The following GRIK4 variants were observed in gnomAD, a reference collection of about 807,000 sequenced individuals.
GRIK4 encodes glutamate receptor ionotropic, kainate 4.
GRIK4 carries 40 observed loss-of-function variants against 104.9 expected under a neutral mutation model. That is an observed-to-expected ratio of 0.38 (90% CI 0.30 to 0.50). GRIK4 has a LOEUF of 0.50. Ranked by LOEUF, GRIK4 falls within the 20% of genes least tolerant of loss-of-function variation. GRIK4 has a pLI of 0.93. For missense variants in GRIK4, 1,047 were observed against 1,308.1 expected (o/e 0.80, Z 3.08); for synonymous variants, 485 against 524.9 (o/e 0.92, Z 1.04).
chr11:120,515,167 T>C (rs1947711049), intron 1 of GRIK4: 1 of 395,548 alleles, frequency 2.5e-6, no homozygotes, highest in Admixed American at 2.9e-5. Context: ...GTCCTCACCC[T>C]GGCCCTTTGC....
chr11:120,718,208 A>C (rs1420849221), intron 3 of GRIK4, among the ~76,000 whole-genome samples: 1 of 151,578 alleles, frequency 6.6e-6, no homozygotes, highest in Non-Finnish European at 1.5e-5. Flanking sequence ...GGAGTTCCTA[A>C]TATGTCCCCT....
intron 3 of GRIK4, among the ~76,000 whole-genome samples, chr11:120,798,157 CT>C (rs539833846): frequency 0.067 from 4,507 of 67,496 alleles, 137 homozygotes; most frequent in African/African-American, 0.2. Flanking sequence ...TCTGCTGTCT[CT>C]TTTTTTTTTT....
At chr11:120,957,591 A>ATGTGTGTGTGTGTG (rs72064502) in intron 16 of GRIK4, among the ~76,000 whole-genome samples, 3,640 of 136,480 alleles carry the variant, frequency 0.027, 73 homozygotes, top group African/African-American at 0.043. Flanking sequence ...GACAAAACAA[A>ATGTGTGTGTGTGTG]TGTGTGTGTG....
intron 3 of GRIK4, among the ~76,000 whole-genome samples, chr11:120,745,331 T>G (rs964574753): frequency 6.6e-6 from 1 of 152,160 alleles, no homozygotes; most frequent in Non-Finnish European, 1.5e-5. Context: ...ATCTATAAAT[T>G]TTTTTTTCTC....
At chr11:120,858,755 G>A (rs1025043377) in intron 8 of GRIK4, among the ~76,000 whole-genome samples, 2 of 152,126 alleles carry the variant, frequency 1.3e-5, no homozygotes, top group Non-Finnish European at 2.9e-5. Flanking sequence ...GTAAACTAAC[G>A]GTGGTCAGTT....
chr11:120,858,017 G>A (rs949862599), intron 8 of GRIK4, among the ~76,000 whole-genome samples: 7 of 151,812 alleles, frequency 4.6e-5, no homozygotes, highest in African/African-American at 1.7e-4. Flanking sequence ...CTCATTCCCT[G>A]GTTTGGGACA....
At chr11:120,731,320 G>A (rs2135391858) in intron 3 of GRIK4, among the ~76,000 whole-genome samples, 1 of 151,104 alleles carries the variant, frequency 6.6e-6, no homozygotes, top group Non-Finnish European at 1.5e-5. Flanking sequence ...AGCAACAATT[G>A]AAATGATCAT....
At chr11:120,781,149 G>A (rs1297075873) in intron 3 of GRIK4, among the ~76,000 whole-genome samples, 1 of 133,306 alleles carries the variant, frequency 7.5e-6, no homozygotes, top group Non-Finnish European at 1.6e-5. Context: ...TTTTTTTTTT[G>A]GTTTGTTTGT....
chr11:120,870,700 C>T (rs1289092528), intron 9 of GRIK4: 1 of 149,434 alleles, frequency 6.7e-6, no homozygotes, highest in Non-Finnish European at 1.5e-5. Context: ...GCCTCAGTTT[C>T]TTCATTCGTG....
chr11:120,716,560 G>T (rs1950839113), intron 3 of GRIK4, among the ~76,000 whole-genome samples: 1 of 152,300 alleles, frequency 6.6e-6, no homozygotes, highest in Middle Eastern at 3.4e-3. Context: ...TATGTGAATT[G>T]AGTGACTGCT....
At chr11:120,866,345 A>AG (rs1364526513) in intron 9 of GRIK4, among the ~76,000 whole-genome samples, 1 of 152,186 alleles carries the variant, frequency 6.6e-6, no homozygotes, top group African/African-American at 2.4e-5. Flanking sequence ...GCCCGAAAAG[A>AG]GGGAAGCCAG....
chr11:120,905,532 T>TGGGGGGGGGGTG lies in GRIK4; in HGVS notation c.1476+42_1476+43insGGGGGGGTGGGG. On this transcript the variant is annotated intron_variant, in intron 13 of 20. Coordinates refer to ENST00000527524, the MANE Select transcript of GRIK4 (RefSeq NM_014619.5). The surrounding 1 kb of genome is among the most constrained non-coding windows in gnomAD (Gnocchi z 5.1). Reference sequence around the variant, plus strand: ...AAGTGATCTGGGCCTGAGGGTGGGCTGGGAGGGATTGGAAGAGCATGAGGT... The same window carrying TGGGGGGGGGGTG: ...AAGTGATCTGGGCCTGAGGGTGGGCTGGGGGGGGGGTGGGGAGGGATTGGAAGAGCATGAGGT... 2.4e-6 allele frequency: 1 copy of TGGGGGGGGGGTG among 408,164 alleles called. No homozygotes were observed. The highest frequency in any genetic ancestry group is 4.9e-6 in the Non-Finnish European group (1 of 202,792). The allele number at this position is 408,164 out of a possible 1,614,324, so 25.3% of individuals were successfully genotyped here.
chr11:120,927,642 A>G (rs1943382694), intron 13 of GRIK4, among the ~76,000 whole-genome samples: 2 of 152,126 alleles, frequency 1.3e-5, no homozygotes, highest in Non-Finnish European at 1.5e-5. Context: ...CTAAGTTCAA[A>G]CAGAAATGTA....
At chr11:120,802,881 C>T (rs1292257547) in intron 4 of GRIK4, 24 bp downstream of exon 4, 2 of 1,607,904 alleles carry the variant, frequency 1.2e-6, no homozygotes, top group African/African-American at 1.3e-5. Context: ...GCAGGGCTGC[C>T]TCTTCCCTTG....
In GRIK4 at chr11:120,819,618, C is replaced by G. The variant is rs977728991; in HGVS notation, c.346-137C>G. ...TCCCACGGAGTGGGTGCCCTGGGAGCTCCTTCTCCCATTGGTGTCTGGCGA... is the reference window on the plus strand; with the variant it reads ...TCCCACGGAGTGGGTGCCCTGGGAGGTCCTTCTCCCATTGGTGTCTGGCGA... On this transcript the variant is annotated intron_variant, in intron 5 of 20. Coordinates refer to ENST00000527524, the MANE Select transcript of GRIK4 (RefSeq NM_014619.5). The surrounding 1 kb of genome is among the most constrained non-coding windows in gnomAD (Gnocchi z 4.3). 1.3e-6 allele frequency: 1 copy of G among 748,672 alleles called. No individual in the cohort carries two copies. The highest frequency in any genetic ancestry group is 2.3e-6 in the Non-Finnish European group (1 of 438,068). The allele number at this position is 748,672 out of a possible 1,614,324, so 46.4% of individuals were successfully genotyped here.
intron 1 of GRIK4, among the ~76,000 whole-genome samples, chr11:120,554,531 C>A (rs1398489563): frequency 6.6e-6 from 1 of 151,974 alleles, no homozygotes; most frequent in Non-Finnish European, 1.5e-5. Flanking sequence ...CTTCCAGTCT[C>A]TCTCTGTCGC....
chr11:120,904,307 T>G (rs1353584594), intron 12 of GRIK4, among the ~76,000 whole-genome samples: 1 of 152,146 alleles, frequency 6.6e-6, no homozygotes, highest in Non-Finnish European at 1.5e-5. Context: ...TTCGAGCCCA[T>G]CATGACACCA....
intron 3 of GRIK4, among the ~76,000 whole-genome samples, chr11:120,787,424 G>GTTATTTTATTTTATT (rs372142776): frequency 1.8e-4 from 28 of 151,446 alleles, no homozygotes; most frequent in Middle Eastern, 3.4e-3. Context: ...TTCTTTTGAT[G>GTTATTTTATTTTATT]TTATTTTATT....
In GRIK4 at chr11:120,960,976, C is replaced by T. The variant is rs1262570024; in HGVS notation, c.1942C>T (p.Arg648Cys). 1.1e-5 allele frequency: 17 copies of T among 1,613,930 alleles called. No individual in the cohort carries two copies. Among genetic ancestry groups the T allele is most frequent in the Non-Finnish European group, 1.4e-5 (16 of 1,179,804 alleles). ...ANLAAFLTVQ[R>C]MDVPIESVDD... ...CCTGGCAGCCTTCCTGACCGTGCAG[C>T]GCATGGATGTGCCCATTGAGTCAGT... is the stretch of plus-strand genomic sequence containing the variant. Residue 648 changes from arginine (R) to cysteine (C), a missense_variant, in exon 17 of 21, where the codon CGC becomes TGC. By Grantham distance (180) the Arg-to-Cys change is radical. This residue lies in a region of GRIK4 where 440 missense variants were observed against 652.3 expected (regional missense o/e 0.67). Coordinates refer to ENST00000527524, the MANE Select transcript of GRIK4 (RefSeq NM_014619.5).
Sources: gnomAD v4.1 joint callset for allele counts (sites outside exome capture counted in the v4.1 genomes callset) on GRCh38, gnomAD v4.1.1 for gene constraint, gnomAD v4.1.1 regional missense constraint, Gnocchi (gnomAD v3.1) non-coding constraint, MANE v1.5 for transcripts, NCBI Gene and HGNC (gene_info 2026-07-23, HGNC 2026-07-21) for gene names.